Variants in ABCB8 observed in about 807,000 individuals in gnomAD.
The protein encoded by ABCB8 is ATP binding cassette subfamily B member 8.
ABCB8 carries 52 observed loss-of-function variants against 73.0 expected under a neutral mutation model. That is an observed-to-expected ratio of 0.71 (90% CI 0.57 to 0.90). The LOEUF (loss-of-function observed/expected upper bound fraction) is 0.90, where lower values mean the gene tolerates loss of function less well. ABCB8 is among the 40% of genes least tolerant of loss of function. The probability of loss-of-function intolerance (pLI) is 0.00; values close to 1 mark genes in which losing one functional copy is unlikely to be tolerated. For synonymous variants in ABCB8, 428 were observed against 423.5 expected (o/e 1.01, Z -0.13); for missense variants, 909 against 974.6 (o/e 0.93, Z 0.90).
At chr7:151,043,143 A>G (rs1796512961) in intron 14 of ABCB8, among the ~76,000 whole-genome samples, 1 of 152,200 alleles carries the variant, frequency 6.6e-6, no homozygotes, top group African/African-American at 2.4e-5. Context: ...TGTTCCCCAC[A>G]GCCACAGAGA....
At chr7:151,034,483 A>T in intron 3 of ABCB8, 22 bp from the exon 4 acceptor site, 1 of 1,613,654 alleles carries the variant, frequency 6.2e-7, no homozygotes, top group Non-Finnish European at 8.5e-7. Flanking sequence ...GGCATCCCTG[A>T]GTGCACTGGG....
intron 1 of ABCB8, 81 bp downstream of exon 1, chr7:151,028,691 C>G (rs1796043641): frequency 4.5e-6 from 7 of 1,563,692 alleles, no homozygotes; most frequent in Non-Finnish European, 5.2e-6. Context: ...ATGGAGTCCA[C>G]GAGCTTGCGC....
Position 151,040,320 on chromosome 7 carries a change from G to A in ABCB8, c.1251+19G>A, listed in dbSNP as rs1396834257. 1.2e-6 allele frequency: 2 copies of A among 1,612,686 alleles called. No homozygotes were observed. The highest frequency in any genetic ancestry group is 1.7e-6 in the Non-Finnish European group (2 of 1,179,508). On this transcript the variant is annotated intron_variant, in intron 10 of 15. Coordinates refer to ENST00000358849, the MANE Select transcript of ABCB8 (RefSeq NM_007188.5). ...TGGGCAGGTGAGTGGCCGGTAGGGT[G>A]GAGGGCCTGGGGTGTGGAGTTTGTG...
At chr7:151,033,215 C>T (rs1584947254) in intron 1 of ABCB8, 2 of 414,842 alleles carry the variant, frequency 4.8e-6, no homozygotes, top group South Asian at 3.7e-5. Flanking sequence ...CTCTCTGCAC[C>T]GTGGTCCCTT....
At chr7:151,041,288 T>G in intron 13 of ABCB8, 56 bp downstream of exon 13, 1 of 1,538,824 alleles carries the variant, frequency 6.5e-7, no homozygotes, top group Non-Finnish European at 8.7e-7. Flanking sequence ...CCCTGGGCCC[T>G]GCCCCCTTAG....
rs1030047574 is a variant in ABCB8, at chr7:151,046,716, T to G, written c.*1367T>G. 3 of 152,214 alleles carry G rather than the reference T, an allele frequency of 2.0e-5. No homozygotes were observed. 9.4% of individuals were successfully genotyped at this position (152,214 alleles called of 1,614,324 possible). A position where few individuals can be genotyped will look rare whatever the true frequency, so the allele number is the denominator to read the frequency against. ...CCCTGTGTAAAGAAGGGTGGTACCC[T>G]CTTTCAGGGGTGTGATACAGTGCAT... is the stretch of plus-strand genomic sequence containing the variant. On this transcript the variant is annotated 3_prime_UTR_variant, in exon 16 of 16. Transcript: ENST00000358849.
chr7:151,042,636 A>G (rs1345327906), intron 14 of ABCB8, among the ~76,000 whole-genome samples: 1 of 152,204 alleles, frequency 6.6e-6, no homozygotes, highest in Non-Finnish European at 1.5e-5. Context: ...GCAGCCTGGC[A>G]CTGCAGGGCG....
chr7:151,044,953 A>G (rs1263037535), intron 15 of ABCB8, among the ~76,000 whole-genome samples: 2 of 152,186 alleles, frequency 1.3e-5, no homozygotes, highest in Non-Finnish European at 2.9e-5. Context: ...CCTGAGTTGG[A>G]GCCTTGGGCT....
At chr7:151,036,482 G>C (rs752555982) in intron 8 of ABCB8, 62 bp from the exon 9 acceptor site, 193 of 1,406,204 alleles carry the variant, frequency 1.4e-4, no homozygotes, top group Admixed American at 1.3e-3. Context: ...CAGTGGCAGA[G>C]CAGGCCCAGG....
At position 151,047,639 on chromosome 7, in the gene ABCB8, T is replaced by C. The variant is rs1208793436; in HGVS notation, c.*2290T>C. The C allele has an allele frequency of 6.6e-6, 1 of 152,192 alleles. No homozygotes were observed. The highest frequency in any genetic ancestry group is 1.5e-5 in the Non-Finnish European group (1 of 68,042). The allele number at this position is 152,192 out of a possible 1,614,324, so 9.4% of individuals were successfully genotyped here. On this transcript the variant is annotated 3_prime_UTR_variant, in exon 16 of 16. Coordinates refer to ENST00000358849, the MANE Select transcript of ABCB8 (RefSeq NM_007188.5). ...GCTGGTGGAACCATGTTTCTACCAC[T>C]CATGGTCAAAAAAAGCCCACCAAAG...
intron 9 of ABCB8, 78 bp from the exon 10 acceptor site, chr7:151,040,190 G>T (rs970750106): frequency 1.9e-6 from 3 of 1,539,334 alleles, no homozygotes; most frequent in Non-Finnish European, 2.6e-6. Flanking sequence ...TTGCTCCCCC[G>T]CCCCACCGTG....
Position 151,036,173 on chromosome 7 carries a change from G to C in ABCB8, c.1111+3G>C, listed in dbSNP as rs751063378. On this transcript the variant is annotated splice_donor_region_variant and intron_variant, in intron 8 of 15. Transcript: ENST00000358849. ...GCTTTCCAACATCGCCTTCAACTGT[G>C]AGTGAGCCATTTGGGGGCTGGAGGG... is the stretch of plus-strand genomic sequence containing the variant. 1.2e-6 allele frequency: 2 copies of C among 1,601,140 alleles called. No homozygotes were observed. The highest frequency in any genetic ancestry group is 1.7e-6 in the Non-Finnish European group (2 of 1,170,694).
chr7:151,037,378 CCT>C, intron 9 of ABCB8: 2 of 700,820 alleles, frequency 2.9e-6, no homozygotes, highest in South Asian at 1.5e-5. Flanking sequence ...CAAGCTGACC[CCT>C]GTCCCCACAC....
intron 1 of ABCB8, among the ~76,000 whole-genome samples, chr7:151,031,909 C>T (rs1400245661): frequency 1.3e-5 from 2 of 152,192 alleles, no homozygotes; most frequent in Admixed American, 6.5e-5. Flanking sequence ...CCACTGCGCC[C>T]GGCCATGCTA....
At chr7:151,039,800 C>A (rs1473421588) in intron 9 of ABCB8, 1 of 157,292 alleles carries the variant, frequency 6.4e-6, no homozygotes, top group African/African-American at 2.4e-5. Context: ...TAGATCTGCT[C>A]TCCCCTTCTA....
At chr7:151,032,733 A>G in intron 1 of ABCB8, 1 of 274,926 alleles carries the variant, frequency 3.6e-6, no homozygotes, top group Non-Finnish European at 7.4e-6. Flanking sequence ...AGTGGAATCG[A>G]TGTTAGCATT....
Position 151,035,671 on chromosome 7 carries a change from C to A in ABCB8, c.856C>A (p.Pro286Thr), listed in dbSNP as rs201138111. The part of the protein sequence containing the change: ...RLTLLLMVAT[P>T]ALMGVGTLMG... ...CACGCTGCTGCTGATGGTGGCCACACCAGCCCTGATGGGAGTGGGCACCCT... is the reference window on the plus strand; with the variant it reads ...CACGCTGCTGCTGATGGTGGCCACAACAGCCCTGATGGGAGTGGGCACCCT... The change falls in exon 6 of 16, where the codon CCA becomes ACA. Residue 286 changes from proline to threonine, a missense_variant. By Grantham distance (38) the Pro-to-Thr change is conservative. Transcript: ENST00000358849. 3.7e-6 allele frequency: 6 copies of A among 1,613,644 alleles called. No individual in the cohort carries two copies. The African/African-American group carries it at 8.0e-5, about 21-fold the overall frequency.
intron 1 of ABCB8, chr7:151,031,508 T>G (rs1271166387): frequency 1.9e-6 from 1 of 530,014 alleles, no homozygotes; most frequent in African/African-American, 1.9e-5. Flanking sequence ...TACTCTTTTT[T>G]TAAACCTTTC....
intron 9 of ABCB8, 150 bp downstream of exon 9, chr7:151,036,799 GGA>G (rs1478306369): frequency 1.3e-5 from 10 of 786,372 alleles, no homozygotes; most frequent in Non-Finnish European, 2.0e-5. Context: ...CATAGGGTGG[GGA>G]GAGAGAGCCC....
Sources: allele counts gnomAD v4.1 joint callset (sites outside exome capture counted in the v4.1 genomes callset), GRCh38; gene constraint gnomAD v4.1.1; transcripts MANE v1.5; gene names NCBI Gene and HGNC (gene_info 2026-07-23, HGNC 2026-07-21).